The following SIPA1L2 variants were observed in gnomAD, a reference collection of about 807,000 sequenced individuals.
The protein encoded by SIPA1L2 is signal-induced proliferation-associated 1-like protein 2.
SIPA1L2 carries 56 observed loss-of-function variants against 163.9 expected under a neutral mutation model. That is an observed-to-expected ratio of 0.34 (90% confidence interval 0.28 to 0.43). The LOEUF (loss-of-function observed/expected upper bound fraction) is 0.43, where lower values mean the gene tolerates loss of function less well. SIPA1L2 is among the 20% of genes least tolerant of loss of function. SIPA1L2 has a pLI of 1.00. For synonymous variants in SIPA1L2, 877 were observed against 865.7 expected (o/e 1.01, Z -0.23); for missense variants, 1,974 against 2,193.5 (o/e 0.90, Z 2.00).
rs184585891 is a variant in SIPA1L2, at chr1:232,516,610, C to T, written c.-269-1002G>A. ...ATTATGGAACAGCTCTGAGAGTAGACGATACGTTGTCATCCCTAAATTTTT... is the reference window on the plus strand; with the variant it reads ...ATTATGGAACAGCTCTGAGAGTAGATGATACGTTGTCATCCCTAAATTTTT... On this transcript the variant is annotated intron_variant, in intron 2 of 22. Coordinates refer to ENST00000674635, the MANE Select transcript of SIPA1L2 (RefSeq NM_020808.5). Among the ~76,000 whole-genome samples, 13 of 151,710 alleles carry T rather than the reference C, an allele frequency of 8.6e-5. No homozygotes were observed. The South Asian group carries it at 2.3e-3, about 27-fold the overall frequency.
intron 1 of SIPA1L2, among the ~76,000 whole-genome samples, chr1:232,595,565 A>AATCTC (rs1220827630): frequency 6.6e-6 from 1 of 152,088 alleles, no homozygotes; most frequent in East Asian, 1.9e-4. Flanking sequence ...CCAGCACACT[A>AATCTC]ATCTCATTCC....
At chr1:232,547,910 G>C (rs1202612330) in intron 2 of SIPA1L2, among the ~76,000 whole-genome samples, 2 of 152,042 alleles carry the variant, frequency 1.3e-5, no homozygotes, top group African/African-American at 2.4e-5. Flanking sequence ...AGTGACAAAG[G>C]TGCAAGAGAC....
intron 11 of SIPA1L2, among the ~76,000 whole-genome samples, 170 bp from the exon 12 acceptor site, chr1:232,443,855 G>A (rs1457334359): frequency 6.6e-6 from 1 of 152,118 alleles, no homozygotes; most frequent in Non-Finnish European, 1.5e-5. Flanking sequence ...ACTAAGTATC[G>A]GTGATGCCCA....
At chr1:232,451,494 C>T (rs943560849) in intron 10 of SIPA1L2, among the ~76,000 whole-genome samples, 2 of 152,120 alleles carry the variant, frequency 1.3e-5, no homozygotes, top group African/African-American at 4.8e-5. Context: ...CCCGAACAGA[C>T]CAAATGCCCA....
Position 232,425,075 on chromosome 1 carries a change from A to T in SIPA1L2, c.4630+514T>A, listed in dbSNP as rs115739373. On this transcript the variant is annotated intron_variant, in intron 18 of 22. Transcript: ENST00000674635. ...GCGGGGACACAAGAGAACACACGTC[A>T]TCTGCACAGGAACACAAAGCCGCCC... 7.5e-3 allele frequency among the ~76,000 whole-genome samples: 1,139 copies of T among 152,316 alleles called. 7 individuals are homozygous for T. Among genetic ancestry groups the T allele is most frequent in the African/African-American group, 0.026 (1,064 of 41,562 alleles).
chr1:232,415,813 C>T (rs1454068435), intron 18 of SIPA1L2, 188 bp from the exon 19 acceptor site: 9 of 536,158 alleles, frequency 1.7e-5, no homozygotes, highest in Non-Finnish European at 9.4e-6. Context: ...TCAGTCAGAA[C>T]ACGGGCACCA....
intron 2 of SIPA1L2, among the ~76,000 whole-genome samples, chr1:232,567,150 TCA>T (rs953933754): frequency 2.6e-5 from 4 of 152,148 alleles, no homozygotes; most frequent in Non-Finnish European, 4.4e-5. Flanking sequence ...CTTAGGCAAA[TCA>T]CAAAGCCTCC....
intron 3 of SIPA1L2, among the ~76,000 whole-genome samples, chr1:232,508,491 A>G (rs1397076937): frequency 6.6e-6 from 1 of 152,216 alleles, no homozygotes; most frequent in Non-Finnish European, 1.5e-5. Flanking sequence ...GGCAGTGTGC[A>G]GTGCCAAGCA....
intron 5 of SIPA1L2, chr1:232,490,621 TC>T (rs2102993503): frequency 2.6e-6 from 1 of 387,362 alleles, no homozygotes; most frequent in African/African-American, 2.1e-5. Flanking sequence ...TCAGATGCAC[TC>T]TTGCAAGCTG....
At chr1:232,451,074 A>G (rs1663545945) in intron 10 of SIPA1L2, among the ~76,000 whole-genome samples, 2 of 152,236 alleles carry the variant, frequency 1.3e-5, no homozygotes, top group Non-Finnish European at 2.9e-5. Context: ...TGACACTTTT[A>G]CAGCAACTAC....
intron 1 of SIPA1L2, among the ~76,000 whole-genome samples, chr1:232,575,971 A>C (rs1322964186): frequency 6.6e-6 from 1 of 152,238 alleles, no homozygotes; most frequent in African/African-American, 2.4e-5. Flanking sequence ...ATGTAGAGTA[A>C]GTCAAATTCA....
At chr1:232,407,668 G>A (rs1015881111) in intron 19 of SIPA1L2, among the ~76,000 whole-genome samples, 5 of 152,272 alleles carry the variant, frequency 3.3e-5, no homozygotes, top group Middle Eastern at 6.8e-3. Flanking sequence ...GGAAGATGGC[G>A]ATCTCTACCA....
At chr1:232,451,737 A>C (rs902043292) in intron 10 of SIPA1L2, among the ~76,000 whole-genome samples, 4 of 152,098 alleles carry the variant, frequency 2.6e-5, no homozygotes, top group African/African-American at 9.7e-5. Context: ...GAGATACTAA[A>C]AAACCTCAAG....
At chr1:232,515,934 G>C (rs1414886038) in intron 2 of SIPA1L2, among the ~76,000 whole-genome samples, 1 of 152,114 alleles carries the variant, frequency 6.6e-6, no homozygotes, top group Non-Finnish European at 1.5e-5. Flanking sequence ...ATCTCTAATT[G>C]CTGTTTACCA....
chr1:232,399,787 G>A lies in SIPA1L2; in HGVS notation c.5023-514C>T, dbSNP rs943703246. Among the ~76,000 whole-genome samples, 4 of 152,100 alleles carry A rather than the reference G, an allele frequency of 2.6e-5. 1 individual carries two copies. Among genetic ancestry groups the A allele is most frequent in the African/African-American group, 9.7e-5 (4 of 41,402 alleles). Reference sequence around the variant, plus strand: ...TGTGTAAAAATAATCAAGACTTTCAGAAGAATCACATCTGGAGTTTCCAAC... The same window carrying A: ...TGTGTAAAAATAATCAAGACTTTCAAAAGAATCACATCTGGAGTTTCCAAC... On this transcript the variant is annotated intron_variant, in intron 22 of 22. Coordinates refer to ENST00000674635, the MANE Select transcript of SIPA1L2 (RefSeq NM_020808.5).
chr1:232,428,441 G>A lies in SIPA1L2; in HGVS notation c.4380C>T (p.Asp1460=), dbSNP rs772978624. The change falls in exon 17 of 23, where the codon GAC becomes GAT. Residue 1460 remains aspartate, a synonymous_variant. Transcript: ENST00000674635. ...KEDFLKLMLP[D]SPLVEEGRRK... is the part of the protein sequence containing the mutation. ...TTCGCCCCTCCTCCACTAAGGGGCT[G>A]TCAGGAAGCATCAATTTCAGAAAAT... 6 of 1,579,238 alleles carry A rather than the reference G, an allele frequency of 3.8e-6. No individual in the cohort carries two copies. The African/African-American group carries it at 4.2e-5, about 11-fold the overall frequency.
At chr1:232,402,656 T>A (rs1267728648) in intron 21 of SIPA1L2, 183 bp from the exon 22 acceptor site, 1 of 475,788 alleles carries the variant, frequency 2.1e-6, no homozygotes, top group Non-Finnish European at 3.7e-6. Flanking sequence ...TCTGGGACTT[T>A]ACTGATTTAA....
chr1:232,506,152 T>C (rs1572998692), intron 3 of SIPA1L2, among the ~76,000 whole-genome samples: 1 of 152,190 alleles, frequency 6.6e-6, no homozygotes, highest in East Asian at 1.9e-4. Context: ...TGTTTCTCTC[T>C]TCATCTTTGA....
At chr1:232,511,841 A>G (rs1666993292) in intron 3 of SIPA1L2, among the ~76,000 whole-genome samples, 1 of 152,246 alleles carries the variant, frequency 6.6e-6, no homozygotes, top group Non-Finnish European at 1.5e-5. Flanking sequence ...CTAAAACAGC[A>G]AAAGCAATGA....
Sources: gnomAD v4.1 joint callset for allele counts (sites outside exome capture counted in the v4.1 genomes callset) on GRCh38, gnomAD v4.1.1 for gene constraint, MANE v1.5 for transcripts, NCBI Gene and HGNC (gene_info 2026-07-23, HGNC 2026-07-21) for gene names.